GFM2: variants seen among roughly 807,000 people sequenced by gnomAD.
GFM2 encodes the protein ribosome-releasing factor 2, mitochondrial.
In GFM2, 72 loss-of-function variants were observed where a neutral mutation model predicts 95.4. That is an observed-to-expected ratio of 0.76 (90% CI 0.62 to 0.92). The LOEUF is 0.92. GFM2 is among the 40% of genes least tolerant of loss of function. GFM2 has a pLI of 0.00. For missense variants in GFM2, 825 were observed against 924.1 expected, an observed-to-expected ratio of 0.89 and a Z score of 1.39; for synonymous variants, 276 against 317.5, an observed-to-expected ratio of 0.87 and a Z score of 1.39.
At chr5:74,735,154 T>C (rs868437389) in intron 15 of GFM2, among the ~76,000 whole-genome samples, 1 of 152,196 alleles carries the variant, frequency 6.6e-6, no homozygotes, top group Non-Finnish European at 1.5e-5. Context: ...CCTGATCCTT[T>C]TCCACTAGAA....
In GFM2 at chr5:74,737,068, CT is replaced by C. The variant is rs1251289641; in HGVS notation, c.1321-84del. ...CACCAAGAACCACAATATAAGAAAA[CT>C]TTTTTGTGGCCCTTTCTTTTCATCA... On this transcript the variant is annotated intron_variant, in intron 14 of 20. Coordinates refer to ENST00000296805, the MANE Select transcript of GFM2 (RefSeq NM_032380.5). The C allele has an allele frequency of 6.1e-5, 81 of 1,324,762 alleles. No individual in the cohort carries two copies. In the East Asian group the frequency reaches 1.8e-3, roughly 30 times the overall value. The allele number at this position is 1,324,762 out of a possible 1,614,324, so 82.1% of individuals were successfully genotyped here. A position where few individuals can be genotyped will look rare whatever the true frequency, so the allele number is the denominator to read the frequency against.
chr5:74,722,037 C>G (rs1475787159), intron 20 of GFM2, among the ~76,000 whole-genome samples: 1 of 152,126 alleles, frequency 6.6e-6, no homozygotes, highest in Non-Finnish European at 1.5e-5. Flanking sequence ...ACCCAGGTGC[C>G]TGTCCTGGAG....
rs1165824993 is a variant in GFM2, at chr5:74,737,487, G to C, written c.1321-502C>G. Among the ~76,000 whole-genome samples the C allele has an allele frequency of 2.6e-5, 4 of 152,058 alleles. No homozygotes were observed. In the East Asian group the frequency reaches 7.7e-4, roughly 29 times the overall value. ...CTAAACTTTTATATTGTGAAGTTCT[G>C]TGCCAGTTTCCTTCTCTGTAAAAAC... On this transcript the variant is annotated intron_variant, in intron 14 of 20. Transcript: ENST00000296805.
chr5:74,763,084 C>A lies in GFM2; in HGVS notation c.63+596G>T, dbSNP rs1026542456. ...TATTATTATGTTTGAGATTTAATATCTTTAAGTATACTGAAGATGTGATAG... is the reference window on the plus strand; with the variant it reads ...TATTATTATGTTTGAGATTTAATATATTTAAGTATACTGAAGATGTGATAG... On this transcript the variant is annotated intron_variant, in intron 2 of 20. Transcript: ENST00000296805. Among the ~76,000 whole-genome samples the A allele has an allele frequency of 2.6e-5, 4 of 152,280 alleles. No homozygotes were observed. The South Asian group carries it at 8.3e-4, about 32-fold the overall frequency.
At chr5:74,766,020 T>C (rs1269112851) in intron 1 of GFM2, among the ~76,000 whole-genome samples, 1 of 147,574 alleles carries the variant, frequency 6.8e-6, no homozygotes, top group Non-Finnish European at 1.5e-5. Context: ...AAAAACTGCC[T>C]CAAAGCCGGG....
At chr5:74,760,681 T>C (rs1744234254) in intron 3 of GFM2, among the ~76,000 whole-genome samples, 2 of 152,212 alleles carry the variant, frequency 1.3e-5, no homozygotes, top group African/African-American at 4.8e-5. Context: ...ACCTTTCCTT[T>C]GCTCAGTTCA....
chr5:74,740,212 C>T (rs977427362), intron 11 of GFM2, 75 bp from the exon 12 acceptor site: 11 of 1,291,906 alleles, frequency 8.5e-6, no homozygotes, highest in Non-Finnish European at 1.1e-5. Flanking sequence ...TAGAGGTTTT[C>T]TCTAACCAGC....
At chr5:74,759,084 T>A in intron 4 of GFM2, 138 bp from the exon 5 acceptor site, 1 of 631,984 alleles carries the variant, frequency 1.6e-6, no homozygotes, top group Non-Finnish European at 2.8e-6. Flanking sequence ...ACATTTAGAG[T>A]ATATCCACAT....
At chr5:74,751,299 A>G in intron 6 of GFM2, 69 bp downstream of exon 6, 6 of 1,509,962 alleles carry the variant, frequency 4.0e-6, no homozygotes, top group Non-Finnish European at 5.4e-6. Flanking sequence ...AAAGCAAAAC[A>G]AAAACCCCAG....
At chr5:74,724,948 G>T (rs1159317304) in intron 19 of GFM2, among the ~76,000 whole-genome samples, 2 of 152,104 alleles carry the variant, frequency 1.3e-5, no homozygotes, top group African/African-American at 4.8e-5. Flanking sequence ...GACACTTAAG[G>T]ACAAACTCCC....
chr5:74,735,128 G>T (rs763388164), intron 15 of GFM2, among the ~76,000 whole-genome samples: 1 of 152,158 alleles, frequency 6.6e-6, no homozygotes, highest in Non-Finnish European at 1.5e-5. Flanking sequence ...TACTTAGGCA[G>T]CCAGATGCAT....
chr5:74,752,337 A>G (rs1379523232), intron 5 of GFM2, among the ~76,000 whole-genome samples: 1 of 152,192 alleles, frequency 6.6e-6, no homozygotes, highest in Admixed American at 6.5e-5. Flanking sequence ...TTATACTACC[A>G]TTTATTTCAG....
In GFM2 at chr5:74,738,529, GC is replaced by G; in HGVS notation, c.1192del (p.Ala398ProfsTer13). The G allele has an allele frequency of 6.2e-7, 1 of 1,613,184 alleles. No individual in the cohort carries two copies. Among genetic ancestry groups the G allele is most frequent in the East Asian group, 2.2e-5 (1 of 44,856 alleles). ...GCAGTTTCCATTAATATTATGAATG[GC>G]CAACTGGGGTTTTATAGTGCCTGAG... is the stretch of plus-strand genomic sequence containing the variant. Reference protein sequence around the residue: ...IYSGTIKPQLAIHNINGNCTE... With the variant: ...IYSGTIKPQLXIHNINGNCTE... On this transcript the variant is annotated frameshift_variant, in exon 13 of 21. Coordinates refer to ENST00000296805, the MANE Select transcript of GFM2 (RefSeq NM_032380.5). LOFTEE classifies it high-confidence loss of function.
At chr5:74,725,589 T>C in intron 19 of GFM2, 51 bp downstream of exon 19, 4 of 1,220,660 alleles carry the variant, frequency 3.3e-6, no homozygotes, top group Non-Finnish European at 4.8e-6. Flanking sequence ...TCAGTGGTAC[T>C]ATACTCAGAA....
At chr5:74,762,265 T>C (rs1744322745) in intron 2 of GFM2, among the ~76,000 whole-genome samples, 2 of 152,138 alleles carry the variant, frequency 1.3e-5, no homozygotes, top group South Asian at 4.1e-4. Flanking sequence ...TCACACCCTA[T>C]CCACAGGGGT....
intron 14 of GFM2, among the ~76,000 whole-genome samples, chr5:74,738,012 C>T (rs1012724211): frequency 6.6e-6 from 1 of 152,024 alleles, no homozygotes; most frequent in African/African-American, 2.4e-5. Flanking sequence ...GGGAACAAAA[C>T]AATATTTTAT....
At chr5:74,762,293 A>G (rs1744324048) in intron 2 of GFM2, among the ~76,000 whole-genome samples, 1 of 152,194 alleles carries the variant, frequency 6.6e-6, no homozygotes, top group African/African-American at 2.4e-5. Context: ...CAAGACCCCC[A>G]GTGGATTCCT....
In GFM2 at chr5:74,747,687, A is replaced by C. The variant is rs1743454790; in HGVS notation, c.608+5T>G. 1 of 1,574,280 alleles carries C rather than the reference A, an allele frequency of 6.4e-7. No homozygotes were observed. Among genetic ancestry groups the C allele is most frequent in the Non-Finnish European group, 8.7e-7 (1 of 1,145,200 alleles). ...TGATAAGCCAATGAAACACATTTCA[A>C]ATACCTTGCTCCAGTTTTGTCCATC... On this transcript the variant is annotated splice_donor_5th_base_variant and intron_variant, in intron 8 of 20. Coordinates refer to ENST00000296805, the MANE Select transcript of GFM2 (RefSeq NM_032380.5).
At chr5:74,749,137 T>G (rs1743563805) in intron 7 of GFM2, among the ~76,000 whole-genome samples, 12 of 151,528 alleles carry the variant, frequency 7.9e-5, no homozygotes. Context: ...TCTCAGCCTC[T>G]GGAGTAGCTG....
Sources: gnomAD v4.1 joint callset for allele counts (sites outside exome capture counted in the v4.1 genomes callset) on GRCh38, gnomAD v4.1.1 for gene constraint, MANE v1.5 for transcripts, NCBI Gene and HGNC (gene_info 2026-07-23, HGNC 2026-07-21) for gene names.